STMN2: variants seen among roughly 807,000 people sequenced by gnomAD.
STMN2 encodes the protein stathmin 2.
Under a neutral mutation model 24.1 loss-of-function variants are expected in STMN2, and 2 were observed. That is an observed-to-expected ratio of 0.08 (90% CI 0.03 to 0.26). STMN2 has a LOEUF of 0.26. Among genes scored for constraint, STMN2 ranks in the 10% least tolerant of loss-of-function variants. The pLI is 1.00. For missense variants in STMN2, 114 were observed against 213.6 expected (o/e 0.53, Z 2.91); for synonymous variants, 83 against 77.5 (o/e 1.07, Z -0.37).
Position 79,657,654 on chromosome 8 carries a change from GA to G in STMN2, c.480+2593del, listed in dbSNP as rs1295139395. 2.0e-5 allele frequency among the ~76,000 whole-genome samples: 3 copies of G among 152,176 alleles called. No homozygotes were observed. In the East Asian group the frequency reaches 5.8e-4, roughly 29 times the overall value. ...TTTTTTCTGGTATTTCATAGCTAAT[GA>G]GGTGCTTTTCAAATCTAATAGGATC... On this transcript the variant is annotated intron_variant, in intron 4 of 4. Coordinates refer to ENST00000220876, the MANE Select transcript of STMN2 (RefSeq NM_007029.4).
intron 3 of STMN2, among the ~76,000 whole-genome samples, chr8:79,651,080 T>C (rs1031547025): frequency 2.6e-5 from 4 of 152,232 alleles, no homozygotes; most frequent in African/African-American, 9.6e-5. Flanking sequence ...GTTTTAAATA[T>C]TTGAAACACA....
intron 4 of STMN2, among the ~76,000 whole-genome samples, chr8:79,660,578 A>C (rs191875120): frequency 6.0e-4 from 92 of 152,364 alleles, no homozygotes; most frequent in African/African-American, 2.2e-3. Context: ...GATGCAACTT[A>C]AAATGATAAA....
intron 3 of STMN2, among the ~76,000 whole-genome samples, chr8:79,646,384 G>C (rs537030274): frequency 8.6e-5 from 13 of 151,864 alleles, no homozygotes; most frequent in Admixed American, 3.3e-4. Flanking sequence ...AGAACTGGGG[G>C]TGTGGGGGTG....
intron 1 of STMN2, among the ~76,000 whole-genome samples, chr8:79,622,333 T>C (rs1396092679): frequency 1.3e-5 from 2 of 152,186 alleles, no homozygotes; most frequent in African/African-American, 2.4e-5. Flanking sequence ...AGATAAATGA[T>C]GAAAATACTA....
At chr8:79,611,708 G>C in intron 1 of STMN2, 1 of 963,182 alleles carries the variant, frequency 1.0e-6, no homozygotes, top group South Asian at 4.6e-5. Flanking sequence ...GTGGAGACGG[G>C]GGGAGGGGAT....
intron 1 of STMN2, among the ~76,000 whole-genome samples, chr8:79,611,458 G>A (rs1281681851): frequency 6.6e-6 from 1 of 152,180 alleles, no homozygotes; most frequent in African/African-American, 2.4e-5. Flanking sequence ...TATGGGTAGA[G>A]AATTTATTCT....
intron 3 of STMN2, among the ~76,000 whole-genome samples, chr8:79,645,341 T>C (rs891052749): frequency 1.3e-5 from 2 of 152,204 alleles, no homozygotes; most frequent in Admixed American, 6.5e-5. Context: ...CTGTTTCACA[T>C]TATTTTATTC....
intron 4 of STMN2, among the ~76,000 whole-genome samples, chr8:79,661,354 T>C (rs1223328078): frequency 2.0e-5 from 3 of 152,208 alleles, no homozygotes; most frequent in African/African-American, 7.2e-5. Context: ...GGTATTTCAT[T>C]GTGGTTTTAA....
At position 79,636,975 on chromosome 8, in the gene STMN2, C is replaced by T. The variant is rs1809978082; in HGVS notation, c.115+78C>T. 4 of 1,307,972 alleles carry T rather than the reference C, an allele frequency of 3.1e-6. No individual in the cohort carries two copies. The African/African-American group carries it at 5.9e-5, about 19-fold the overall frequency. The allele number at this position is 1,307,972 out of a possible 1,614,324, so 81.0% of individuals were successfully genotyped here. ...TGACATATATTTGTTTCTTACAGCTCCTGATATAATTACATCAATATTTTG... is the reference window on the plus strand; with the variant it reads ...TGACATATATTTGTTTCTTACAGCTTCTGATATAATTACATCAATATTTTG... On this transcript the variant is annotated intron_variant, in intron 2 of 4. Transcript: ENST00000220876.
At chr8:79,630,510 G>A (rs886433541) in intron 1 of STMN2, among the ~76,000 whole-genome samples, 5 of 152,194 alleles carry the variant, frequency 3.3e-5, no homozygotes, top group African/African-American at 1.2e-4. Context: ...CAAAACATTT[G>A]TGACTCTGGA....
chr8:79,620,625 A>G (rs1221215923), intron 1 of STMN2, among the ~76,000 whole-genome samples: 1 of 152,198 alleles, frequency 6.6e-6, no homozygotes, highest in Non-Finnish European at 1.5e-5. Flanking sequence ...CAATTTCACC[A>G]TCTTAACAAT....
At chr8:79,616,207 C>A (rs537036294) in intron 1 of STMN2, among the ~76,000 whole-genome samples, 1 of 152,122 alleles carries the variant, frequency 6.6e-6, no homozygotes, top group East Asian at 1.9e-4. Context: ...TTTAAAGATA[C>A]CTTTTTAAAT....
At chr8:79,664,730 G>A in intron 4 of STMN2, 85 bp from the exon 5 acceptor site, 1 of 1,318,334 alleles carries the variant, frequency 7.6e-7, no homozygotes, top group Non-Finnish European at 1.0e-6. Context: ...ACACCAAACT[G>A]GGTTACTTCT....
rs1408717016 is a variant in STMN2 at position 79,616,475 on chromosome 8, T to C, written c.19+5261T>C. ...TAATAGTGTCATATTACTGTGTTCC[T>C]CAAACTTTGATGTGCATATGAATTA... On this transcript the variant is annotated intron_variant, in intron 1 of 4. Transcript: ENST00000220876. Among the ~76,000 whole-genome samples the C allele has an allele frequency of 6.6e-5, 10 of 152,360 alleles. No homozygotes were observed. In the East Asian group the frequency reaches 1.7e-3, roughly 26 times the overall value.
chr8:79,641,630 A>ACACG (rs1554545138), intron 3 of STMN2, 80 bp downstream of exon 3: 41 of 169,338 alleles, frequency 2.4e-4, no homozygotes, highest in East Asian at 3.5e-4. Context: ...ACATGCACGC[A>ACACG]CACACACACA....
intron 4 of STMN2, among the ~76,000 whole-genome samples, chr8:79,662,853 G>T (rs951454399): frequency 6.6e-6 from 1 of 151,818 alleles, no homozygotes; most frequent in Non-Finnish European, 1.5e-5. Flanking sequence ...TGATGGTCTG[G>T]GCTTTTTCTC....
At chr8:79,657,725 G>A (rs1018604520) in intron 4 of STMN2, among the ~76,000 whole-genome samples, 5 of 152,152 alleles carry the variant, frequency 3.3e-5, no homozygotes, top group African/African-American at 1.2e-4. Flanking sequence ...CAATAAAAAG[G>A]AAATACCATA....
chr8:79,624,453 C>CA (rs1011493193), intron 1 of STMN2, among the ~76,000 whole-genome samples: 1,917 of 44,818 alleles, frequency 0.043, 75 homozygotes, highest in Non-Finnish European at 0.046. Flanking sequence ...GACTCCGTCT[C>CA]AAAAAAAAAA....
intron 3 of STMN2, among the ~76,000 whole-genome samples, chr8:79,644,686 C>A (rs1429573155): frequency 1.3e-5 from 2 of 152,164 alleles, no homozygotes; most frequent in Non-Finnish European, 2.9e-5. Context: ...TATAGATGTC[C>A]ACATTTTCTA....
Sources: gnomAD v4.1 joint callset for allele counts (sites outside exome capture counted in the v4.1 genomes callset) on GRCh38, gnomAD v4.1.1 for gene constraint, MANE v1.5 for transcripts, NCBI Gene and HGNC (gene_info 2026-07-23, HGNC 2026-07-21) for gene names.